The following HDAC9 variants were observed in gnomAD, a reference collection of about 807,000 sequenced individuals.
HDAC9 encodes MEF-2 interacting transcription repressor (MITR) protein.
Under a neutral mutation model 139.4 loss-of-function variants are expected in HDAC9, and 41 were observed. The observed-to-expected ratio is 0.29, with a 90% CI of 0.23 to 0.38. The LOEUF is 0.38. Ranked by LOEUF, HDAC9 falls within the 10% of genes least tolerant of loss-of-function variation. The pLI, the probability that HDAC9 is intolerant of heterozygous loss-of-function variation, is 1.00. For missense variants in HDAC9, 1,147 were observed against 1,297.0 expected, an observed-to-expected ratio of 0.88 and a Z score of 1.78; for synonymous variants, 517 against 476.2, an observed-to-expected ratio of 1.09 and a Z score of -1.12.
intron 2 of HDAC9, among the ~76,000 whole-genome samples, chr7:18,257,965 A>G (rs920869797): frequency 3.9e-5 from 6 of 152,182 alleles, no homozygotes; most frequent in African/African-American, 1.4e-4. Flanking sequence ...CTCGTTAGAA[A>G]GGCAGACTCT....
Position 18,796,704 on chromosome 7 carries a change from T to A in HDAC9, c.2322+3252T>A, listed in dbSNP as rs146688014. Among the ~76,000 whole-genome samples, 208 of 152,312 alleles carry A rather than the reference T, an allele frequency of 1.4e-3. 1 individual carries two copies. Among genetic ancestry groups the A allele is most frequent in the Middle Eastern group, 6.8e-3 (2 of 294 alleles). ...TGTTTGGTGTATTGGAAATCATAAT[T>A]GGAAGAATAATTATCTCAAAATGGT... On this transcript the variant is annotated intron_variant, in intron 17 of 25. Coordinates refer to ENST00000686413, the MANE Select transcript of HDAC9 (RefSeq NM_178425.4).
At chr7:18,445,449 C>G (rs1418490338) in intron 1 of HDAC9, among the ~76,000 whole-genome samples, 1 of 152,050 alleles carries the variant, frequency 6.6e-6, no homozygotes, top group Admixed American at 6.6e-5. Flanking sequence ...AATAATATCC[C>G]TAACTATATT....
At chr7:18,174,420 G>C (rs1033197091) in intron 2 of HDAC9, among the ~76,000 whole-genome samples, 1 of 152,170 alleles carries the variant, frequency 6.6e-6, no homozygotes, top group African/African-American at 2.4e-5. Context: ...GGAGAAGTTT[G>C]TTATTACTGA....
intron 2 of HDAC9, among the ~76,000 whole-genome samples, chr7:18,204,772 T>C (rs1456370483): frequency 1.3e-5 from 2 of 152,042 alleles, no homozygotes; most frequent in Non-Finnish European, 2.9e-5. Context: ...GTTTATCCCC[T>C]GTATGTAACA....
intron 1 of HDAC9, among the ~76,000 whole-genome samples, chr7:18,440,920 A>G (rs1354568550): frequency 6.6e-6 from 1 of 152,198 alleles, no homozygotes; most frequent in Non-Finnish European, 1.5e-5. Context: ...CCAGTCTTTC[A>G]TATTAATGTT....
intron 17 of HDAC9, among the ~76,000 whole-genome samples, chr7:18,807,317 T>C (rs1793791190): frequency 6.6e-6 from 1 of 152,190 alleles, no homozygotes; most frequent in Non-Finnish European, 1.5e-5. Context: ...CTGATTTTAT[T>C]TGAGTCTGAT....
At chr7:18,621,586 T>A (rs1010927967) in intron 6 of HDAC9, among the ~76,000 whole-genome samples, 1 of 152,192 alleles carries the variant, frequency 6.6e-6, no homozygotes, top group African/African-American at 2.4e-5. Context: ...TTACCATACA[T>A]GTGCCTAGAA....
At chr7:18,639,203 G>A (rs1784795077) in intron 8 of HDAC9, among the ~76,000 whole-genome samples, 1 of 152,042 alleles carries the variant, frequency 6.6e-6, no homozygotes, top group Non-Finnish European at 1.5e-5. Context: ...TGACTCATCT[G>A]CCTGTTGTTT....
rs1199557966 is a variant in HDAC9 at position 18,835,553 on chromosome 7, G to A, written c.2553G>A (p.Gly851=). ...TTTCACTCCATCGCTATGATGAAGG[G>A]AACTTTTTCCCTGGCAGTGGAGCCC... ...LYISLHRYDE[G]NFFPGSGAPN... The change falls in exon 20 of 26, where the codon GGG becomes GGA. Residue 851 remains glycine, a synonymous_variant. Coordinates refer to ENST00000686413, the MANE Select transcript of HDAC9 (RefSeq NM_178425.4). 2 of 1,613,784 alleles carry A rather than the reference G, an allele frequency of 1.2e-6. No individual in the cohort carries two copies. The highest frequency in any genetic ancestry group is 2.2e-5 in the East Asian group (1 of 44,872).
chr7:18,654,371 A>G (rs1004923456), intron 11 of HDAC9, among the ~76,000 whole-genome samples: 3 of 152,118 alleles, frequency 2.0e-5, no homozygotes, highest in Non-Finnish European at 4.4e-5. Context: ...TAGATACCTT[A>G]GGGTAGGGTC....
intron 17 of HDAC9, among the ~76,000 whole-genome samples, chr7:18,812,798 C>T (rs749796914): frequency 3.3e-5 from 5 of 151,978 alleles, no homozygotes; most frequent in African/African-American, 7.2e-5. Context: ...TTCATCACTT[C>T]GGTATGGCCC....
rs931561618 is a variant in HDAC9, at chr7:18,182,095, G to A, written c.25+19746G>A. Among the ~76,000 whole-genome samples, 167 of 152,204 alleles carry A rather than the reference G, an allele frequency of 1.1e-3. 1 individual carries two copies. The highest frequency in any genetic ancestry group is 3.7e-3 in the African/African-American group (154 of 41,528). On this transcript the variant is annotated intron_variant, in intron 2 of 12. Coordinates refer to the HDAC9 transcript ENST00000417496. ...AGGTGTGTGTCATGGCTGGCAGCAGGGCCCAGGAGCCAAGATCTAGGCACC... is the reference window on the plus strand; with the variant it reads ...AGGTGTGTGTCATGGCTGGCAGCAGAGCCCAGGAGCCAAGATCTAGGCACC...
At chr7:18,593,850 T>C (rs1004263290) in intron 5 of HDAC9, 58 bp from the exon 6 acceptor site, 16 of 1,594,192 alleles carry the variant, frequency 1.0e-5, no homozygotes, top group Non-Finnish European at 1.4e-5. Context: ...TGATTATTGC[T>C]GACCAATATG....
intron 1 of HDAC9, among the ~76,000 whole-genome samples, chr7:18,408,310 C>T (rs78817972): frequency 1.3e-5 from 2 of 152,096 alleles, no homozygotes. Flanking sequence ...ATAGAAGGCA[C>T]TCAATGAAGG....
intron 22 of HDAC9, among the ~76,000 whole-genome samples, chr7:18,925,651 T>TG (rs1332692527): frequency 6.6e-6 from 1 of 151,874 alleles, no homozygotes; most frequent in East Asian, 1.9e-4. Flanking sequence ...ACATCTTTTT[T>TG]TTTCCATACA....
At chr7:18,884,642 A>C (rs888843633) in intron 22 of HDAC9, among the ~76,000 whole-genome samples, 1 of 152,204 alleles carries the variant, frequency 6.6e-6, no homozygotes, top group Non-Finnish European at 1.5e-5. Flanking sequence ...TATTATAAAC[A>C]ATGTTGAAGT....
intron 22 of HDAC9, among the ~76,000 whole-genome samples, chr7:18,922,308 C>T (rs1287377186): frequency 2.0e-5 from 3 of 151,894 alleles, no homozygotes; most frequent in African/African-American, 7.2e-5. Context: ...TTTTTAAATT[C>T]TATATGTTTT....
At chr7:18,513,418 C>T (rs1802168926) in intron 2 of HDAC9, among the ~76,000 whole-genome samples, 1 of 152,144 alleles carries the variant, frequency 6.6e-6, no homozygotes, top group African/African-American at 2.4e-5. Context: ...TAACTGTATC[C>T]TAAAGCTTCA....
At chr7:18,445,475 A>G (rs2128097574) in intron 1 of HDAC9, among the ~76,000 whole-genome samples, 1 of 152,342 alleles carries the variant, frequency 6.6e-6, no homozygotes, top group East Asian at 1.9e-4. Context: ...AGTACTCAAA[A>G]TTTAATGCTG....
Sources: allele counts gnomAD v4.1 joint callset (sites outside exome capture counted in the v4.1 genomes callset), GRCh38; gene constraint gnomAD v4.1.1; transcripts MANE v1.5; gene names NCBI Gene and HGNC (gene_info 2026-07-23, HGNC 2026-07-21).